NPAS3: variants seen among roughly 807,000 people sequenced by gnomAD.
The protein encoded by NPAS3 is neuronal PAS domain-containing protein 3.
A neutral mutation model predicts 73.1 loss-of-function variants in NPAS3; 14 were observed. That is an observed-to-expected ratio of 0.19 (90% CI 0.13 to 0.30). The LOEUF is 0.30. NPAS3 is among the 10% of genes least tolerant of loss of function. The probability of loss-of-function intolerance (pLI) is 1.00; values close to 1 mark genes in which losing one functional copy is unlikely to be tolerated. For missense variants in NPAS3, 1,096 were observed against 1,250.0 expected (o/e 0.88, Z 1.86); for synonymous variants, 620 against 541.5 (o/e 1.14, Z -2.01).
At chr14:33,467,891 G>A (rs1386960820) in intron 4 of NPAS3, among the ~76,000 whole-genome samples, 2 of 152,176 alleles carry the variant, frequency 1.3e-5, no homozygotes, top group African/African-American at 4.8e-5. Flanking sequence ...CATCATGCTT[G>A]CAACACGCAC....
At chr14:33,043,962 ACAC>A (rs2040422991) in intron 1 of NPAS3, among the ~76,000 whole-genome samples, 4 of 152,194 alleles carry the variant, frequency 2.6e-5, no homozygotes, top group African/African-American at 9.6e-5. Flanking sequence ...CCTTTCTTTC[ACAC>A]ATCTGCAAAC....
chr14:33,744,582 G>T (rs968682737), intron 7 of NPAS3, among the ~76,000 whole-genome samples: 2 of 151,834 alleles, frequency 1.3e-5, no homozygotes, highest in Non-Finnish European at 2.9e-5. Context: ...GAGCTCAGGA[G>T]TTCAAGACCA....
At chr14:33,801,201 C>G, downstream of NPAS3, 2 of 1,505,528 alleles carry the variant, frequency 1.3e-6, no homozygotes, top group Non-Finnish European at 1.8e-6. Flanking sequence ...ACTTTGAATT[C>G]GAGCAGGTCA....
chr14:33,489,480 C>T (rs1422517261), intron 4 of NPAS3, among the ~76,000 whole-genome samples: 1 of 152,054 alleles, frequency 6.6e-6, no homozygotes, highest in Non-Finnish European at 1.5e-5. Flanking sequence ...GCAATAAGAA[C>T]CATCCATTCC....
chr14:33,784,677 C>T, intron 9 of NPAS3, among the ~76,000 whole-genome samples: 1 of 149,888 alleles, frequency 6.7e-6, no homozygotes, highest in Admixed American at 6.6e-5. Context: ...GCAAGCTTCT[C>T]ATTATTATTT....
chr14:33,213,007 G>A (rs1311837552), intron 2 of NPAS3, among the ~76,000 whole-genome samples: 2 of 152,140 alleles, frequency 1.3e-5, no homozygotes, highest in Non-Finnish European at 2.9e-5. Flanking sequence ...CCAAAATTGG[G>A]AAATGGCATA....
At chr14:33,544,776 T>TATGGCATGTATGTGTTG (rs2054704041) in intron 4 of NPAS3, among the ~76,000 whole-genome samples, 1 of 103,928 alleles carries the variant, frequency 9.6e-6, no homozygotes, top group Non-Finnish European at 1.7e-5. Context: ...TGTATGTGTT[T>TATGGCATGTATGTGTTG]ATGTGTGTGT....
intron 2 of NPAS3, among the ~76,000 whole-genome samples, chr14:33,170,918 G>A (rs758652491): frequency 3.8e-4 from 58 of 152,174 alleles, no homozygotes; most frequent in Non-Finnish European, 7.2e-4. Context: ...CTTCTCCCAT[G>A]AATCAAACAT....
intron 1 of NPAS3, among the ~76,000 whole-genome samples, chr14:33,040,427 A>T (rs1049337188): frequency 6.6e-6 from 1 of 152,132 alleles, no homozygotes. Flanking sequence ...ATCACCACAG[A>T]TATTGGGGTA....
At chr14:32,989,566 C>T (rs1393309713) in intron 1 of NPAS3, among the ~76,000 whole-genome samples, 1 of 151,438 alleles carries the variant, frequency 6.6e-6, no homozygotes, top group Non-Finnish European at 1.5e-5. Flanking sequence ...ATGGCGTGAA[C>T]CCCAGGGGGC....
At chr14:33,686,090 G>T (rs1595438630) in intron 6 of NPAS3, among the ~76,000 whole-genome samples, 1 of 152,322 alleles carries the variant, frequency 6.6e-6, no homozygotes, top group East Asian at 1.9e-4. Flanking sequence ...AAAGAAATCA[G>T]TGAGCAGCTC....
At chr14:33,737,661 T>TG (rs1456836860) in intron 7 of NPAS3, among the ~76,000 whole-genome samples, 2 of 152,088 alleles carry the variant, frequency 1.3e-5, no homozygotes, top group East Asian at 3.9e-4. Context: ...TGAACTTCCC[T>TG]CATTAATTAA....
chr14:33,276,336 T>C (rs2041331559), intron 3 of NPAS3, among the ~76,000 whole-genome samples: 1 of 152,152 alleles, frequency 6.6e-6, no homozygotes, highest in South Asian at 2.1e-4. Flanking sequence ...ACTGTGGCCA[T>C]CTGCAAGGTT....
chr14:33,259,080 T>C (rs2048881515), intron 3 of NPAS3, among the ~76,000 whole-genome samples: 1 of 152,220 alleles, frequency 6.6e-6, no homozygotes, highest in Non-Finnish European at 1.5e-5. Flanking sequence ...TCCAAAGTGC[T>C]GGGATTACAG....
intron 2 of NPAS3, among the ~76,000 whole-genome samples, chr14:33,173,366 T>C (rs2045466359): frequency 6.6e-6 from 1 of 152,158 alleles, no homozygotes; most frequent in South Asian, 2.1e-4. Context: ...AAAATGATCA[T>C]AGCCTTAAAG....
intron 4 of NPAS3, among the ~76,000 whole-genome samples, chr14:33,405,441 C>T (rs1204401036): frequency 6.6e-6 from 1 of 151,996 alleles, no homozygotes; most frequent in Non-Finnish European, 1.5e-5. Context: ...CATATTTTGA[C>T]TAATACAAAT....
intron 3 of NPAS3, among the ~76,000 whole-genome samples, chr14:33,308,033 T>C (rs565256335): frequency 6.6e-6 from 1 of 152,274 alleles, no homozygotes; most frequent in South Asian, 2.1e-4. Context: ...CAATCACATT[T>C]GCCTGCCTTC....
At chr14:32,984,718 C>T (rs999139647) in intron 1 of NPAS3, among the ~76,000 whole-genome samples, 4 of 151,986 alleles carry the variant, frequency 2.6e-5, no homozygotes, top group African/African-American at 9.7e-5. Flanking sequence ...ACAGTGGAAC[C>T]GAAATAATGT....
chr14:33,709,188 C>T (rs181224763), intron 6 of NPAS3, among the ~76,000 whole-genome samples: 1 of 152,210 alleles, frequency 6.6e-6, no homozygotes, highest in African/African-American at 2.4e-5. Context: ...ACAAAAATAA[C>T]TGCTTTATTT....
Sources: allele counts gnomAD v4.1 joint callset (sites outside exome capture counted in the v4.1 genomes callset), GRCh38; gene constraint gnomAD v4.1.1; transcripts MANE v1.5; gene names NCBI Gene and HGNC (gene_info 2026-07-23, HGNC 2026-07-21).